The following C2CD3 variants were observed in gnomAD, a reference collection of about 807,000 sequenced individuals.
C2CD3 encodes C2 domain containing 3 centriole elongation regulator.
Under a neutral mutation model 234.0 loss-of-function variants are expected in C2CD3, and 148 were observed. That is an observed-to-expected ratio of 0.63 (90% confidence interval 0.55 to 0.72). The LOEUF (loss-of-function observed/expected upper bound fraction) is 0.72, where lower values mean the gene tolerates loss of function less well. C2CD3 is among the 30% of genes least tolerant of loss of function. The probability of loss-of-function intolerance (pLI) is 0.00; values close to 1 mark genes in which losing one functional copy is unlikely to be tolerated. For missense variants in C2CD3, 2,577 were observed against 2,811.5 expected (o/e 0.92, Z 1.89); for synonymous variants, 1,000 against 1,035.4 (o/e 0.97, Z 0.66).
At chr11:74,050,785 C>T (rs1953641066) in intron 26 of C2CD3, among the ~76,000 whole-genome samples, 1 of 147,430 alleles carries the variant, frequency 6.8e-6, no homozygotes, top group Admixed American at 6.6e-5. Context: ...ATGTTCCCTA[C>T]ACTCTCCATA....
intron 30 of C2CD3, among the ~76,000 whole-genome samples, chr11:74,035,122 T>A (rs576953325): frequency 6.6e-6 from 1 of 152,318 alleles, no homozygotes; most frequent in Admixed American, 6.5e-5. Context: ...TCCTGGGGAA[T>A]AGGGGTCACA....
chr11:74,166,011 T>C (rs897535245), intron 2 of C2CD3, among the ~76,000 whole-genome samples: 4 of 151,948 alleles, frequency 2.6e-5, no homozygotes, highest in Admixed American at 2.6e-4. Flanking sequence ...CTTCATTTTC[T>C]AAAAAACACA....
chr11:74,105,618 A>C (rs1956488095), intron 13 of C2CD3, among the ~76,000 whole-genome samples: 2 of 152,172 alleles, frequency 1.3e-5, no homozygotes, highest in Admixed American at 6.5e-5. Flanking sequence ...CCACACGCTC[A>C]GATTCTGTCA....
chr11:74,155,342 G>T (rs915220318), intron 3 of C2CD3, among the ~76,000 whole-genome samples: 3 of 152,144 alleles, frequency 2.0e-5, no homozygotes, highest in Admixed American at 2.0e-4. Context: ...AAATAGTCTG[G>T]CAGTTCCTTA....
intron 31 of C2CD3, among the ~76,000 whole-genome samples, chr11:74,032,524 G>A (rs1952564598): frequency 6.6e-6 from 1 of 152,146 alleles, no homozygotes; most frequent in South Asian, 2.1e-4. Flanking sequence ...CTGGGGACTT[G>A]GGAAAGTCCA....
intron 17 of C2CD3, 152 bp from the exon 18 acceptor site, chr11:74,094,151 G>T: frequency 2.0e-6 from 1 of 512,658 alleles, no homozygotes; most frequent in Non-Finnish European, 3.2e-6. Context: ...AAGATACCTT[G>T]CTGGTGGACA....
intron 24 of C2CD3, among the ~76,000 whole-genome samples, chr11:74,066,171 A>C (rs998069086): frequency 6.7e-6 from 1 of 148,394 alleles, no homozygotes; most frequent in Non-Finnish European, 1.5e-5. Context: ...GCTAGAAACC[A>C]TCATTCTGAG....
chr11:74,036,162 A>G (rs1391027573), intron 30 of C2CD3: 1 of 261,424 alleles, frequency 3.8e-6, no homozygotes, highest in Non-Finnish European at 7.7e-6. Flanking sequence ...GCCTGGCCAC[A>G]ATTCCCTTCT....
intron 5 of C2CD3, among the ~76,000 whole-genome samples, chr11:74,137,550 T>TAA (rs1491029349): frequency 6.8e-6 from 1 of 147,326 alleles, no homozygotes. Flanking sequence ...TATATATATA[T>TAA]ACTTTTTTTT....
Position 74,078,323 on chromosome 11 carries a change from GACCATAATCTGCTTTTTGTTT to G in C2CD3, c.4374_4394del (p.Asn1459_Val1465del), listed in dbSNP as rs761331220. 5.6e-6 allele frequency: 9 copies of G among 1,614,166 alleles called. No homozygotes were observed. In the Admixed American group the frequency reaches 1.5e-4, roughly 27 times the overall value. On this transcript the variant is annotated inframe_deletion, in exon 23 of 33. Coordinates refer to ENST00000334126, the MANE Select transcript of C2CD3 (RefSeq NM_001286577.2). The stretch of plus-strand genomic sequence containing the variant: ...CTGCTCTTTTGGATGCCTTGAAAGT[GACCATAATCTGCTTTTTGTTT>G]ACAGATTCCTTAGGCTTCTTGAGAG...
intron 26 of C2CD3, among the ~76,000 whole-genome samples, chr11:74,053,872 C>A (rs1413909336): frequency 9.2e-5 from 14 of 152,098 alleles, no homozygotes; most frequent in Non-Finnish European, 5.9e-5. Flanking sequence ...AGTGTCAGCA[C>A]TTTGGGAGGC....
intron 19 of C2CD3, among the ~76,000 whole-genome samples, chr11:74,092,025 T>C (rs996980811): frequency 2.6e-5 from 4 of 151,436 alleles, no homozygotes; most frequent in Admixed American, 2.0e-4. Context: ...ATATTTTATA[T>C]ATATATATGT....
intron 13 of C2CD3, among the ~76,000 whole-genome samples, chr11:74,104,305 T>A (rs554741236): frequency 4.1e-4 from 63 of 152,360 alleles, no homozygotes; most frequent in African/African-American, 1.5e-3. Flanking sequence ...ATATTTGCTA[T>A]AAAGGCACTG....
intron 26 of C2CD3, among the ~76,000 whole-genome samples, chr11:74,052,263 T>C (rs980593435): frequency 2.0e-5 from 3 of 152,318 alleles, no homozygotes; most frequent in Middle Eastern, 3.4e-3. Context: ...GCATAGTACC[T>C]GACACATAGT....
chr11:74,095,562 A>G (rs1282807829), intron 16 of C2CD3, among the ~76,000 whole-genome samples, 154 bp from the exon 17 acceptor site: 2 of 152,178 alleles, frequency 1.3e-5, no homozygotes, highest in African/African-American at 4.8e-5. Context: ...TCTCACAACT[A>G]CTCACTGTAA....
At chr11:74,087,472 G>A (rs1292846336) in intron 20 of C2CD3, among the ~76,000 whole-genome samples, 1 of 151,954 alleles carries the variant, frequency 6.6e-6, no homozygotes, top group Admixed American at 6.6e-5. Flanking sequence ...GCTGAGTCAG[G>A]AGAATCGCTT....
chr11:74,074,219 T>G, intron 24 of C2CD3, 34 bp downstream of exon 24: 1 of 1,457,520 alleles, frequency 6.9e-7, no homozygotes, highest in Non-Finnish European at 9.5e-7. Flanking sequence ...CCTGAAGAGT[T>G]AGACATGCTC....
intron 9 of C2CD3, among the ~76,000 whole-genome samples, chr11:74,115,280 T>C (rs951114575): frequency 6.6e-6 from 1 of 151,754 alleles, no homozygotes; most frequent in Non-Finnish European, 1.5e-5. Context: ...TACACACACA[T>C]ACATTATACA....
chr11:74,148,836 A>G (rs529397617), intron 3 of C2CD3, among the ~76,000 whole-genome samples: 222 of 152,278 alleles, frequency 1.5e-3, no homozygotes, highest in Non-Finnish European at 2.7e-3. Flanking sequence ...TGGTTAGTCA[A>G]CTCAATACTG....
Sources: gnomAD v4.1 joint callset for allele counts (sites outside exome capture counted in the v4.1 genomes callset) on GRCh38, gnomAD v4.1.1 for gene constraint, MANE v1.5 for transcripts, NCBI Gene and HGNC (gene_info 2026-07-23, HGNC 2026-07-21) for gene names.